TRIM36: variants seen among roughly 807,000 people sequenced by gnomAD.
TRIM36 encodes tripartite motif containing 36.
A neutral mutation model predicts 72.4 loss-of-function variants in TRIM36; 42 were observed. The ratio of observed to expected loss-of-function variants is 0.58; its 90% CI spans 0.45 to 0.75. The LOEUF is 0.75. Among genes scored for constraint, TRIM36 ranks in the 30% least tolerant of loss-of-function variants. The probability of loss-of-function intolerance (pLI) is 0.00; values close to 1 mark genes in which losing one functional copy is unlikely to be tolerated. For missense variants in TRIM36, 913 were observed against 857.1 expected (o/e 1.07, Z -0.81); for synonymous variants, 315 against 282.8 (o/e 1.11, Z -1.14).
intron 2 of TRIM36, among the ~76,000 whole-genome samples, chr5:115,154,222 C>T (rs978145181): frequency 2.0e-5 from 3 of 151,868 alleles, no homozygotes; most frequent in Non-Finnish European, 4.4e-5. Flanking sequence ...TAAACGCCTA[C>T]ATGAAAAAGT....
At chr5:115,143,222 C>CAAAAAAAAAAA (rs59083853) in intron 4 of TRIM36, among the ~76,000 whole-genome samples, 3 of 57,486 alleles carry the variant, frequency 5.2e-5, no homozygotes, top group African/African-American at 8.0e-5. Flanking sequence ...ACCAGCCAGA[C>CAAAAAAAAAAA]AAAAAAAAAA....
In TRIM36 at chr5:115,134,547, T is replaced by A. The variant is rs979488324; in HGVS notation, c.1211-400A>T. 5.0e-4 allele frequency among the ~76,000 whole-genome samples: 18 copies of A among 36,300 alleles called. No homozygotes were observed. The Admixed American group carries it at 5.1e-3, about 10-fold the overall frequency. The allele number at this position is 36,300 out of a possible 152,430, so 23.8% of individuals were successfully genotyped here. A position where few individuals can be genotyped will look rare whatever the true frequency, so the allele number is the denominator to read the frequency against. On this transcript the variant is annotated intron_variant, in intron 7 of 9. Coordinates refer to ENST00000513154, the MANE Select transcript of TRIM36 (RefSeq NM_001300759.2). ...GTAAGAATATCAAACTCTCAATGAA[T>A]TTTTTTTTTTTAAGATGGAGTGTTG...
Position 115,125,706 on chromosome 5 carries a change from A to C in TRIM36, c.*797T>G, listed in dbSNP as rs924990572. 1 of 152,100 alleles carries C rather than the reference A, an allele frequency of 6.6e-6. No homozygotes were observed. Among genetic ancestry groups the C allele is most frequent in the African/African-American group, 2.4e-5 (1 of 41,440 alleles). 9.4% of individuals were successfully genotyped at this position (152,100 alleles called of 1,614,324 possible). On this transcript the variant is annotated 3_prime_UTR_variant, in exon 10 of 10. Transcript: ENST00000513154. ...ATAATTCTTTGACATAAGAACAAAT[A>C]TTTTCACAGAATAAGAAAAACTAAA...
Position 115,137,586 on chromosome 5 carries a change from T to A in TRIM36, c.862A>T (p.Ile288Phe). Residue 288 changes from isoleucine to phenylalanine, a missense_variant, in exon 6 of 10, where the codon ATT becomes TTT. Transcript: ENST00000513154. The part of the protein sequence containing the change: ...CNGERAKEEA[I>F]THFEKLFEVL... ...TCAAAGAGCTTTTCAAAATGTGTAA[T>A]TGCTTCTTCTTTAGCCCTCTCTCCA... 6.2e-7 allele frequency: 1 copy of A among 1,611,698 alleles called. No individual in the cohort carries two copies. The highest frequency in any genetic ancestry group is 8.5e-7 in the Non-Finnish European group (1 of 1,179,146).
rs574932539 is a variant in TRIM36, at chr5:115,127,139, C to T, written c.1797-282G>A. On this transcript the variant is annotated intron_variant, in intron 9 of 9. Transcript: ENST00000513154. ...TTTAGCCTTCCAAAAAGTGAGGGAGCGGGCAGTGATAACTGGTCAAATGTT... is the reference window on the plus strand; with the variant it reads ...TTTAGCCTTCCAAAAAGTGAGGGAGTGGGCAGTGATAACTGGTCAAATGTT... 4.6e-5 allele frequency among the ~76,000 whole-genome samples: 7 copies of T among 152,254 alleles called. No individual in the cohort carries two copies. The South Asian group carries it at 6.2e-4, about 14-fold the overall frequency.
chr5:115,159,164 G>T (rs552477029), intron 2 of TRIM36, among the ~76,000 whole-genome samples: 14 of 152,210 alleles, frequency 9.2e-5, no homozygotes, highest in African/African-American at 3.4e-4. Context: ...CTGATGCCAA[G>T]TACTTTAAAA....
chr5:115,163,848 A>C, intron 1 of TRIM36, 96 bp from the exon 2 acceptor site: 1 of 992,608 alleles, frequency 1.0e-6, no homozygotes. Context: ...TATTTTTCCA[A>C]AAAGAATTAA....
chr5:115,152,078 C>T (rs893854560), intron 2 of TRIM36, among the ~76,000 whole-genome samples: 7 of 152,028 alleles, frequency 4.6e-5, no homozygotes, highest in African/African-American at 1.7e-4. Flanking sequence ...ATCGAGGAGA[C>T]ACCAGAAAAA....
chr5:115,152,056 G>A (rs180805516), intron 2 of TRIM36, among the ~76,000 whole-genome samples: 35 of 152,176 alleles, frequency 2.3e-4, no homozygotes, highest in Admixed American at 9.8e-4. Flanking sequence ...AATCCAGAAG[G>A]TTACTAAGCT....
chr5:115,140,310 A>G (rs1251410507), intron 5 of TRIM36, among the ~76,000 whole-genome samples: 1 of 152,236 alleles, frequency 6.6e-6, no homozygotes, highest in Non-Finnish European at 1.5e-5. Flanking sequence ...GGAGAAGAAA[A>G]ACAAGTGTAC....
chr5:115,126,576 A>C lies in TRIM36; in HGVS notation c.2078T>G (p.Leu693Ter). ...AAGCTGAATTCCTCCACTGCCCATT[A>C]ATGCAAATGCTGGATACAGTGTATG... ...CSHTLYPAFA[L>*]MGSGGIQLEE... is the part of the protein sequence containing the mutation. The change falls in exon 10 of 10, where the codon TTA becomes TGA. Residue 693 changes from leucine (L) to a stop codon, truncating the protein, a stop_gained. Transcript: ENST00000513154. LOFTEE classifies it high-confidence loss of function. The C allele has an allele frequency of 6.2e-7, 1 of 1,613,952 alleles. No homozygotes were observed. Among genetic ancestry groups the C allele is most frequent in the East Asian group, 2.2e-5 (1 of 44,870 alleles).
chr5:115,140,620 T>C (rs1753226769), intron 5 of TRIM36, among the ~76,000 whole-genome samples: 1 of 152,186 alleles, frequency 6.6e-6, no homozygotes, highest in African/African-American at 2.4e-5. Flanking sequence ...TCATCTAGTT[T>C]CACCTTTTTT....
chr5:115,126,712 G>C lies in TRIM36; in HGVS notation c.1942C>G (p.Leu648Val), dbSNP rs754795320. Residue 648 changes from leucine to valine, a missense_variant, in exon 10 of 10, where the codon CTC (leucine) becomes GTC (valine). By Grantham distance (32) the Leu-to-Val change is conservative (BLOSUM62 1). Coordinates refer to ENST00000513154, the MANE Select transcript of TRIM36 (RefSeq NM_001300759.2). ...ATCCCAATACTTGTTGGCATAGGGA[G>C]AACTCTATTTTCAGGTTCATTAGAA... ...TSSNEPENRV[L>V]PMPTSIGIFL... 2 of 1,614,170 alleles carry C rather than the reference G, an allele frequency of 1.2e-6. No individual in the cohort carries two copies. The highest frequency in any genetic ancestry group is 3.3e-5 in the Admixed American group (2 of 60,024).
upstream of TRIM36, among the ~76,000 whole-genome samples, chr5:115,174,711 C>A (rs1224969988): frequency 2.6e-5 from 4 of 152,146 alleles, no homozygotes; most frequent in Admixed American, 1.3e-4. Context: ...ATTCTGAATT[C>A]TTTTAGCACT....
In TRIM36 at chr5:115,149,339, A is replaced by G. The variant is rs571023464; in HGVS notation, c.263-1945T>C. ...ATGGTATGGTGCAGTGGTCAAGTTTAAACAAATAGAAATTCATATATAATC... is the reference window on the plus strand; with the variant it reads ...ATGGTATGGTGCAGTGGTCAAGTTTGAACAAATAGAAATTCATATATAATC... On this transcript the variant is annotated intron_variant, in intron 2 of 9. Coordinates refer to ENST00000513154, the MANE Select transcript of TRIM36 (RefSeq NM_001300759.2). 5.3e-5 allele frequency: 8 copies of G among 152,190 alleles called. No homozygotes were observed. The South Asian group carries it at 1.7e-3, about 32-fold the overall frequency. 9.4% of individuals were successfully genotyped at this position (152,190 alleles called of 1,614,324 possible). A position where few individuals can be genotyped will look rare whatever the true frequency, so the allele number is the denominator to read the frequency against.
chr5:115,143,002 T>C (rs1462086230), intron 4 of TRIM36, among the ~76,000 whole-genome samples: 2 of 152,106 alleles, frequency 1.3e-5, no homozygotes, highest in Admixed American at 1.3e-4. Context: ...ATAAGGCATG[T>C]ACCATAGGTT....
At chr5:115,164,594 C>A (rs756118965) in intron 1 of TRIM36, among the ~76,000 whole-genome samples, 3 of 152,192 alleles carry the variant, frequency 2.0e-5, no homozygotes, top group Non-Finnish European at 4.4e-5. Context: ...ACAAGAACAG[C>A]ATGGGGAAAA....
At chr5:115,150,482 T>C (rs1234051084) in intron 2 of TRIM36, among the ~76,000 whole-genome samples, 1 of 152,192 alleles carries the variant, frequency 6.6e-6, no homozygotes, top group Non-Finnish European at 1.5e-5. Context: ...TATTGCTCAA[T>C]TGCATTAGAC....
chr5:115,135,913 C>G (rs1444528669), intron 7 of TRIM36, among the ~76,000 whole-genome samples: 2 of 151,992 alleles, frequency 1.3e-5, no homozygotes, highest in African/African-American at 2.4e-5. Context: ...ATGTACAAAT[C>G]TACAAATCTG....
Sources: allele counts gnomAD v4.1 joint callset (sites outside exome capture counted in the v4.1 genomes callset), GRCh38; gene constraint gnomAD v4.1.1; transcripts MANE v1.5; gene names NCBI Gene and HGNC (gene_info 2026-07-23, HGNC 2026-07-21).